The following CDH18 variants were observed in gnomAD, a reference collection of about 807,000 sequenced individuals.
CDH18 encodes the protein cadherin-18.
In CDH18, 31 loss-of-function variants were observed where a neutral mutation model predicts 67.9. The observed-to-expected ratio is 0.46, with a 90% CI of 0.34 to 0.62. The LOEUF is 0.62. Among genes scored for constraint, CDH18 ranks in the 20% least tolerant of loss-of-function variants. The pLI is 0.01. For synonymous variants in CDH18, 362 were observed against 347.2 expected (o/e 1.04, Z -0.48); for missense variants, 890 against 975.5 (o/e 0.91, Z 1.17).
At chr5:19,894,929 T>C (rs1293909262) in intron 2 of CDH18, among the ~76,000 whole-genome samples, 1 of 152,186 alleles carries the variant, frequency 6.6e-6, no homozygotes, top group African/African-American at 2.4e-5. Context: ...TTCTCTCTGA[T>C]GTACACAGAT....
intron 6 of CDH18, among the ~76,000 whole-genome samples, chr5:19,592,361 ATGTTTTT>A (rs1745294067): frequency 6.6e-6 from 1 of 152,054 alleles, no homozygotes; most frequent in African/African-American, 2.4e-5. Flanking sequence ...CATAATGAAC[ATGTTTTT>A]AATAATTATT....
chr5:20,096,238 T>C (rs1354395343), intron 2 of CDH18, among the ~76,000 whole-genome samples: 2 of 152,206 alleles, frequency 1.3e-5, no homozygotes, highest in African/African-American at 4.8e-5. Flanking sequence ...AACAATAGGC[T>C]ATTTTTTAAA....
intron 2 of CDH18, among the ~76,000 whole-genome samples, chr5:19,974,908 G>T (rs2150346093): frequency 6.6e-6 from 1 of 152,224 alleles, no homozygotes; most frequent in East Asian, 1.9e-4. Flanking sequence ...TTCTGACCCG[G>T]CTACTTTTAA....
At chr5:20,223,294 C>T (rs899509139) in intron 2 of CDH18, among the ~76,000 whole-genome samples, 3 of 152,148 alleles carry the variant, frequency 2.0e-5, no homozygotes, top group Non-Finnish European at 4.4e-5. Context: ...TTCGGAGTTA[C>T]ATGGGGCCTG....
chr5:20,147,473 T>A (rs529782704), intron 2 of CDH18, among the ~76,000 whole-genome samples: 21 of 152,228 alleles, frequency 1.4e-4, no homozygotes, highest in Admixed American at 5.9e-4. Context: ...AACAGATAAT[T>A]TAAAAATTAA....
chr5:20,091,529 AC>A (rs765716906), intron 2 of CDH18, among the ~76,000 whole-genome samples: 3 of 152,102 alleles, frequency 2.0e-5, no homozygotes, highest in African/African-American at 4.8e-5. Context: ...AACAACAACA[AC>A]AAAAATCTCT....
At chr5:20,503,954 C>T (rs1209673808) in intron 1 of CDH18, among the ~76,000 whole-genome samples, 5 of 151,694 alleles carry the variant, frequency 3.3e-5, no homozygotes, top group South Asian at 2.1e-4. Flanking sequence ...AGGAGAATCG[C>T]TTGAACCCGA....
chr5:19,831,949 C>T (rs1781083341), intron 3 of CDH18, among the ~76,000 whole-genome samples: 1 of 152,016 alleles, frequency 6.6e-6, no homozygotes, highest in South Asian at 2.1e-4. Flanking sequence ...AAATCATGTC[C>T]TTTGCAGCAA....
chr5:19,939,272 C>A (rs1335547424), intron 2 of CDH18, among the ~76,000 whole-genome samples: 1 of 151,208 alleles, frequency 6.6e-6, no homozygotes, highest in Admixed American at 6.6e-5. Context: ...TTAAATCTAG[C>A]AGTAGTCTAT....
At chr5:20,362,359 T>A (rs1742154547) in intron 1 of CDH18, among the ~76,000 whole-genome samples, 1 of 152,182 alleles carries the variant, frequency 6.6e-6, no homozygotes, top group Non-Finnish European at 1.5e-5. Context: ...AAGGATACTG[T>A]TGATACAGCG....
chr5:19,923,788 A>T lies in CDH18; in HGVS notation c.-257+57272T>A, dbSNP rs144242179. ...AAAAATCTGCAGCCAAACTTAAAGG[A>T]TTTCGTATTATATCAAAATATACTC... On this transcript the variant is annotated intron_variant, in intron 2 of 12. Coordinates refer to ENST00000382275, the MANE Select transcript of CDH18 (RefSeq NM_004934.5). Among the ~76,000 whole-genome samples the T allele has an allele frequency of 6.6e-3, 1,006 of 152,302 alleles. 13 individuals are homozygous for T. The highest frequency in any genetic ancestry group is 0.049 in the South Asian group (237 of 4,830).
intron 5 of CDH18, among the ~76,000 whole-genome samples, chr5:19,619,031 T>C (rs115874397): frequency 0.016 from 2,468 of 152,220 alleles, 70 homozygotes; most frequent in African/African-American, 0.056. Flanking sequence ...ATATTTAGTA[T>C]ATTATATGCT....
intron 1 of CDH18, among the ~76,000 whole-genome samples, chr5:20,484,913 C>T (rs1275910138): frequency 6.6e-6 from 1 of 151,812 alleles, no homozygotes; most frequent in Non-Finnish European, 1.5e-5. Context: ...TTTTATCATA[C>T]ATTTTGAAAC....
At chr5:19,939,359 T>A (rs1192383314) in intron 2 of CDH18, among the ~76,000 whole-genome samples, 3 of 151,414 alleles carry the variant, frequency 2.0e-5, no homozygotes, top group Non-Finnish European at 4.4e-5. Context: ...ATAAAAAAAA[T>A]TTCCTTTCTC....
chr5:20,178,412 C>T (rs1279667784), intron 2 of CDH18, among the ~76,000 whole-genome samples: 2 of 151,716 alleles, frequency 1.3e-5, no homozygotes, highest in African/African-American at 4.8e-5. Context: ...TGACTAAAAA[C>T]ATCATTGTTT....
intron 5 of CDH18, among the ~76,000 whole-genome samples, chr5:19,668,415 C>T (rs1046259624): frequency 4.6e-5 from 7 of 151,878 alleles, no homozygotes; most frequent in Admixed American, 3.3e-4. Context: ...TAAACATCCG[C>T]TTATATTAAA....
At chr5:20,204,172 C>G (rs1739694241) in intron 2 of CDH18, among the ~76,000 whole-genome samples, 2 of 151,920 alleles carry the variant, frequency 1.3e-5, no homozygotes, top group African/African-American at 2.4e-5. Context: ...ATCCAGCCCA[C>G]TAAGATAATC....
intron 9 of CDH18, among the ~76,000 whole-genome samples, chr5:19,525,580 A>G (rs926270493): frequency 2.0e-5 from 3 of 152,214 alleles, no homozygotes; most frequent in East Asian, 1.9e-4. Context: ...TGCAAATTCA[A>G]TAACTGCTGT....
At chr5:20,203,483 G>C (rs779481622) in intron 2 of CDH18, among the ~76,000 whole-genome samples, 3 of 151,928 alleles carry the variant, frequency 2.0e-5, no homozygotes, top group Non-Finnish European at 2.9e-5. Context: ...CCATGAAATG[G>C]GACAGGAAGC....
Sources: gnomAD v4.1 joint callset for allele counts (sites outside exome capture counted in the v4.1 genomes callset) on GRCh38, gnomAD v4.1.1 for gene constraint, MANE v1.5 for transcripts, NCBI Gene and HGNC (gene_info 2026-07-23, HGNC 2026-07-21) for gene names.